The following ACYP2 variants were observed in gnomAD, a reference collection of about 807,000 sequenced individuals.
ACYP2 encodes the protein acylphosphatase 2, also known as acylphosphatase-2.
A neutral mutation model predicts 11.2 loss-of-function variants in ACYP2; 12 were observed. The observed-to-expected ratio is 1.08, with a 90% CI of 0.69 to 1.74. ACYP2 has a LOEUF of 1.74. Among genes scored for constraint, ACYP2 ranks in the 40% most tolerant of loss-of-function variants. ACYP2 has a pLI of 0.00. For synonymous variants in ACYP2, 43 were observed against 32.2 expected (o/e 1.33, Z -1.13); for missense variants, 134 against 101.9 (o/e 1.31, Z -1.35).
At chr2:54,031,718 T>G (rs1159089368) in intron 2 of ACYP2, among the ~76,000 whole-genome samples, 1 of 152,218 alleles carries the variant, frequency 6.6e-6, no homozygotes, top group Non-Finnish European at 1.5e-5. Context: ...TCCACAATGG[T>G]TGAACTAGTT....
chr2:54,091,489 T>TTCTA (rs1678227077), intron 4 of ACYP2, among the ~76,000 whole-genome samples: 1 of 143,656 alleles, frequency 7.0e-6, no homozygotes. Flanking sequence ...ACTCTCTTGA[T>TTCTA]TTTATTTATT....
chr2:54,204,678 G>A (rs1242383715), intron 6 of ACYP2, among the ~76,000 whole-genome samples: 4 of 152,114 alleles, frequency 2.6e-5, no homozygotes, highest in African/African-American at 9.7e-5. Context: ...ATAACTGCCT[G>A]GCATTCGGTG....
At chr2:54,031,618 T>C (rs1305860812) in intron 2 of ACYP2, among the ~76,000 whole-genome samples, 1 of 152,226 alleles carries the variant, frequency 6.6e-6, no homozygotes, top group South Asian at 2.1e-4. Context: ...CAGCATGATT[T>C]ATAGTCCTTT....
At chr2:54,210,012 G>A (rs1377783807) in intron 6 of ACYP2, among the ~76,000 whole-genome samples, 1 of 151,822 alleles carries the variant, frequency 6.6e-6, no homozygotes, top group Non-Finnish European at 1.5e-5. Flanking sequence ...ATGGTGGCGG[G>A]CACTTGTAAT....
chr2:54,005,734 A>G (rs375000724), intron 2 of ACYP2, among the ~76,000 whole-genome samples: 3 of 152,298 alleles, frequency 2.0e-5, no homozygotes, highest in African/African-American at 7.2e-5. Context: ...GTAGCTTTAC[A>G]GTAAAGTCTT....
At chr2:54,188,221 T>C (rs1466378044) in intron 6 of ACYP2, among the ~76,000 whole-genome samples, 1 of 152,180 alleles carries the variant, frequency 6.6e-6, no homozygotes, top group Non-Finnish European at 1.5e-5. Context: ...ACAGTTCTAA[T>C]AGAGAGTGTG....
intron 5 of ACYP2, 50 bp from the exon 3 acceptor site, chr2:54,138,589 C>T (rs778210156): frequency 1.4e-5 from 21 of 1,455,238 alleles, no homozygotes. Context: ...ATGTTATGAA[C>T]TCAGACTTTT....
chr2:54,284,494 C>T (rs843722), intron 6 of ACYP2, among the ~76,000 whole-genome samples: 80,317 of 151,948 alleles, frequency 0.53, 22,414 homozygotes, highest in African/African-American at 0.7. Flanking sequence ...TGTGTCTCCA[C>T]GTGACTCCTT....
chr2:54,027,837 C>CTTT (rs34122179), intron 2 of ACYP2, among the ~76,000 whole-genome samples: 152 of 97,684 alleles, frequency 1.6e-3, no homozygotes, highest in Non-Finnish European at 1.9e-3. Flanking sequence ...TTCTTTCTTT[C>CTTT]TTTTTTTTTT....
At chr2:54,130,073 G>A (rs935124147) in intron 4 of ACYP2, among the ~76,000 whole-genome samples, 1 of 152,142 alleles carries the variant, frequency 6.6e-6, no homozygotes, top group South Asian at 2.1e-4. Flanking sequence ...AAGTAAACAA[G>A]ACAGAAAAAT....
At chr2:54,110,701 G>C (rs1056427220) in intron 4 of ACYP2, among the ~76,000 whole-genome samples, 26 of 152,088 alleles carry the variant, frequency 1.7e-4, no homozygotes, top group African/African-American at 6.3e-4. Flanking sequence ...TTGGGGAAAT[G>C]CAGTAGGGAA....
chr2:54,255,997 G>A, intron 6 of ACYP2: 1 of 1,614,168 alleles, frequency 6.2e-7, no homozygotes, highest in Non-Finnish European at 8.5e-7. Context: ...TGGAAGCCGG[G>A]GCGGTGGGAA....
chr2:53,997,204 G>C (rs1672613528), intron 2 of ACYP2, among the ~76,000 whole-genome samples: 1 of 152,126 alleles, frequency 6.6e-6, no homozygotes. Context: ...CTCTCCTATA[G>C]AAAGTATGGT....
intron 6 of ACYP2, chr2:54,255,361 GC>G: frequency 6.2e-7 from 1 of 1,614,118 alleles, no homozygotes; most frequent in Non-Finnish European, 8.5e-7. Flanking sequence ...TCTAATCATG[GC>G]AGACAGCTGT....
chr2:54,170,518 G>A (rs1683178141), intron 6 of ACYP2, among the ~76,000 whole-genome samples: 1 of 151,754 alleles, frequency 6.6e-6, no homozygotes, highest in Non-Finnish European at 1.5e-5. Context: ...CCAGGTGATA[G>A]AAAAACTTTA....
rs572151571 is a variant in ACYP2, at chr2:54,016,218, G to T, written c.63-34740G>T. Reference sequence around the variant, plus strand: ...TTGGAGGCCACTGCTGCCTGGCTTAGCTCACAGTGCTGTCTCATTCTGTAA... The same window carrying T: ...TTGGAGGCCACTGCTGCCTGGCTTATCTCACAGTGCTGTCTCATTCTGTAA... On this transcript the variant is annotated intron_variant, in intron 2 of 6. Transcript: ENST00000607452. 2.0e-5 allele frequency among the ~76,000 whole-genome samples: 3 copies of T among 152,044 alleles called. No individual in the cohort carries two copies. The East Asian group carries it at 5.8e-4, about 29-fold the overall frequency.
intron 2 of ACYP2, among the ~76,000 whole-genome samples, chr2:54,033,450 C>T (rs113508243): frequency 2.0e-5 from 3 of 151,916 alleles, no homozygotes; most frequent in Non-Finnish European, 2.9e-5. Context: ...TGGGCTCAAG[C>T]AAACTTCCTG....
intron 2 of ACYP2, among the ~76,000 whole-genome samples, chr2:54,036,093 T>G (rs774601107): frequency 9.9e-5 from 15 of 152,066 alleles, no homozygotes; most frequent in Admixed American, 2.0e-4. Context: ...ATATTTCTTT[T>G]TTTGTTTGTT....
At chr2:54,256,839 T>G (rs1687563244) in intron 6 of ACYP2, among the ~76,000 whole-genome samples, 1 of 152,084 alleles carries the variant, frequency 6.6e-6, no homozygotes. Context: ...TGTTTTGTTT[T>G]GTATTTTTAG....
Sources: gnomAD v4.1 joint callset for allele counts (sites outside exome capture counted in the v4.1 genomes callset) on GRCh38, gnomAD v4.1.1 for gene constraint, MANE v1.5 for transcripts, NCBI Gene and HGNC (gene_info 2026-07-23, HGNC 2026-07-21) for gene names.